Variants in EVA1C observed in about 807,000 individuals in gnomAD.
EVA1C encodes the protein eva-1 homolog C.
In EVA1C, 25 loss-of-function variants were observed where a neutral mutation model predicts 45.4. The observed-to-expected ratio is 0.55, with a 90% confidence interval of 0.40 to 0.77. The LOEUF (loss-of-function observed/expected upper bound fraction) is 0.77, where lower values mean the gene tolerates loss of function less well. Ranked by LOEUF, EVA1C falls within the 30% of genes least tolerant of loss-of-function variation. The pLI, the probability that EVA1C is intolerant of heterozygous loss-of-function variation, is 0.00. For missense variants in EVA1C, 479 were observed against 554.8 expected (o/e 0.86, Z 1.37); for synonymous variants, 190 against 221.2 (o/e 0.86, Z 1.25).
intron 7 of EVA1C, among the ~76,000 whole-genome samples, chr21:32,512,599 G>A (rs1234585197): frequency 6.6e-6 from 1 of 152,154 alleles, no homozygotes; most frequent in Non-Finnish European, 1.5e-5. Flanking sequence ...GATGACCATT[G>A]TACCTCAGAG....
intron 4 of EVA1C, among the ~76,000 whole-genome samples, chr21:32,494,594 C>T (rs2037278439): frequency 2.0e-5 from 3 of 152,036 alleles, no homozygotes; most frequent in South Asian, 2.1e-4. Flanking sequence ...ACCAGCCTTG[C>T]CAACATGGTG....
intron 1 of EVA1C, among the ~76,000 whole-genome samples, chr21:32,418,144 A>G (rs1335696535): frequency 1.3e-5 from 2 of 152,196 alleles, no homozygotes; most frequent in African/African-American, 2.4e-5. Context: ...ACACGCATGC[A>G]CACACCCTTC....
At chr21:32,483,913 A>T (rs376286320) in intron 4 of EVA1C, among the ~76,000 whole-genome samples, 1 of 151,980 alleles carries the variant, frequency 6.6e-6, no homozygotes, top group Non-Finnish European at 1.5e-5. Flanking sequence ...GACGTCCTTC[A>T]TGAATATATT....
intron 1 of EVA1C, among the ~76,000 whole-genome samples, chr21:32,413,234 CAG>C (rs1313107111): frequency 6.6e-6 from 1 of 152,262 alleles, no homozygotes; most frequent in Non-Finnish European, 1.5e-5. Flanking sequence ...GTAATGTATT[CAG>C]AGTTTCTCGC....
intron 7 of EVA1C, among the ~76,000 whole-genome samples, chr21:32,508,355 C>T (rs2037842527): frequency 6.6e-6 from 1 of 152,142 alleles, no homozygotes; most frequent in Admixed American, 6.5e-5. Context: ...TTCTGGGGCG[C>T]AGGGGTAAGG....
intron 4 of EVA1C, among the ~76,000 whole-genome samples, chr21:32,472,413 C>A (rs113603190): frequency 0.013 from 1,964 of 152,230 alleles, 33 homozygotes; most frequent in Admixed American, 0.038. Context: ...CCCGCCTTGG[C>A]CTCCCCAAAG....
chr21:32,415,731 C>A (rs1417933941), intron 1 of EVA1C, among the ~76,000 whole-genome samples: 1 of 152,168 alleles, frequency 6.6e-6, no homozygotes, highest in Non-Finnish European at 1.5e-5. Flanking sequence ...CCAAACACCG[C>A]CTTCTCTCTC....
At position 32,452,420 on chromosome 21, in the gene EVA1C, G is replaced by C. The variant is rs1459548042; in HGVS notation, c.161-892G>C. The C allele has an allele frequency of 6.6e-6, 1 of 152,262 alleles. No individual in the cohort carries two copies. Among genetic ancestry groups the C allele is most frequent in the Admixed American group, 6.5e-5 (1 of 15,286 alleles). The allele number at this position is 152,262 out of a possible 1,614,324, so 9.4% of individuals were successfully genotyped here. ...AACCCCTAGAGGGGGCATGCAGATG[G>C]ACAGGTCGTGGGGAGCGTTTTTGGG... On this transcript the variant is annotated intron_variant, in intron 1 of 7. Transcript: ENST00000300255. The surrounding 1 kb of genome is among the most constrained non-coding windows in gnomAD (Gnocchi z 4.0).
intron 1 of EVA1C, among the ~76,000 whole-genome samples, chr21:32,434,145 A>C (rs1490296632): frequency 6.6e-6 from 1 of 151,860 alleles, no homozygotes; most frequent in African/African-American, 2.4e-5. Flanking sequence ...AATACAAAAA[A>C]ATTAGCTGGG....
intron 6 of EVA1C, among the ~76,000 whole-genome samples, chr21:32,502,961 G>A (rs1202914783): frequency 1.3e-5 from 2 of 152,188 alleles, no homozygotes; most frequent in East Asian, 3.9e-4. Flanking sequence ...GTTCCCACCC[G>A]ATCCATAAAC....
intron 4 of EVA1C, among the ~76,000 whole-genome samples, chr21:32,471,849 C>T (rs1220152062): frequency 3.3e-5 from 5 of 151,696 alleles, no homozygotes; most frequent in Middle Eastern, 3.4e-3. Context: ...AGGATGGTCT[C>T]GATCTCCTGA....
chr21:32,418,555 A>G (rs1601195206), intron 1 of EVA1C, among the ~76,000 whole-genome samples: 2 of 152,334 alleles, frequency 1.3e-5, no homozygotes. Flanking sequence ...TCATCCTCGT[A>G]GCAACTCTGT....
intron 1 of EVA1C, among the ~76,000 whole-genome samples, chr21:32,450,451 G>A (rs2035538606): frequency 6.6e-6 from 1 of 151,098 alleles, no homozygotes; most frequent in South Asian, 2.1e-4. Context: ...TTAAACCAAA[G>A]GCAAACTCTG....
intron 1 of EVA1C, 73 bp downstream of exon 1, chr21:32,413,086 C>A (rs751832654): frequency 7.4e-6 from 9 of 1,223,324 alleles, no homozygotes; most frequent in Admixed American, 4.0e-5. Context: ...CTGGGGGCAG[C>A]CGCACCAGTG....
chr21:32,502,017 TTTCTTTCTTTCTTTC>T (rs1164502257), intron 6 of EVA1C, among the ~76,000 whole-genome samples: 1 of 141,242 alleles, frequency 7.1e-6, no homozygotes, highest in African/African-American at 2.8e-5. Flanking sequence ...TCTTTCTTTC[TTTCTTTCTTTCTTTC>T]TTTCTTTCTT....
intron 7 of EVA1C, among the ~76,000 whole-genome samples, chr21:32,512,242 T>C (rs929412216): frequency 6.6e-5 from 10 of 152,160 alleles, no homozygotes; most frequent in African/African-American, 2.4e-4. Context: ...TGGTGCTAAT[T>C]ACAGTATTAA....
chr21:32,428,877 AT>A (rs1568867753), intron 1 of EVA1C, among the ~76,000 whole-genome samples: 1 of 152,210 alleles, frequency 6.6e-6, no homozygotes, highest in Non-Finnish European at 1.5e-5. Flanking sequence ...CAATATCTGC[AT>A]TTTAGTGAAC....
intron 1 of EVA1C, among the ~76,000 whole-genome samples, chr21:32,416,389 TAC>T (rs2034050191): frequency 6.7e-6 from 1 of 149,258 alleles, no homozygotes; most frequent in Admixed American, 6.8e-5. Context: ...AGTGCAGTGG[TAC>T]AGTCTCGGCT....
intron 1 of EVA1C, among the ~76,000 whole-genome samples, chr21:32,419,407 A>G (rs953127658): frequency 6.6e-6 from 1 of 152,200 alleles, no homozygotes; most frequent in African/African-American, 2.4e-5. Flanking sequence ...CCCAGTACCT[A>G]TTGGGTTTTA....
Sources: allele counts gnomAD v4.1 joint callset (sites outside exome capture counted in the v4.1 genomes callset), GRCh38; gene constraint gnomAD v4.1.1; non-coding constraint Gnocchi (gnomAD v3.1); transcripts MANE v1.5; gene names NCBI Gene and HGNC (gene_info 2026-07-23, HGNC 2026-07-21).